The following LMAN2L variants were observed in gnomAD, a reference collection of about 807,000 sequenced individuals.
LMAN2L encodes the protein VIP36-like protein.
In LMAN2L, 30 loss-of-function variants were observed where a neutral mutation model predicts 44.3. The ratio of observed to expected loss-of-function variants is 0.68; its 90% CI spans 0.51 to 0.92. The LOEUF (loss-of-function observed/expected upper bound fraction) is 0.92. Among genes scored for constraint, LMAN2L ranks in the 40% least tolerant of loss-of-function variants. The probability of loss-of-function intolerance (pLI) is 0.00; values close to 1 mark genes in which losing one functional copy is unlikely to be tolerated. For synonymous variants in LMAN2L, 183 were observed against 171.1 expected (o/e 1.07, Z -0.54); for missense variants, 429 against 446.1 (o/e 0.96, Z 0.35).
chr2:96,715,071 TG>T (rs2153323411), intron 4 of LMAN2L, among the ~76,000 whole-genome samples: 1 of 152,278 alleles, frequency 6.6e-6, no homozygotes, highest in South Asian at 2.1e-4. Flanking sequence ...TATGAGTAGG[TG>T]GGATTACAGG....
Position 96,725,549 on chromosome 2 carries a change from TCTC to T in LMAN2L, c.507+7967_507+7969del, listed in dbSNP as rs369685358. Among the ~76,000 whole-genome samples the T allele has an allele frequency of 7.4e-4, 111 of 150,398 alleles. 3 individuals are homozygous for T. The South Asian group carries it at 0.023, about 31-fold the overall frequency. The stretch of plus-strand genomic sequence containing the variant: ...CCTCCACCTCCCAGGTTCACGCCAT[TCTC>T]CTGCCTCAGCCTCCCAAGTAGCTGG... On this transcript the variant is annotated intron_variant, in intron 4 of 7. Transcript: ENST00000264963.
At position 96,707,098 on chromosome 2, in the gene LMAN2L, G is replaced by C; in HGVS notation, c.*158C>G. The C allele has an allele frequency of 1.5e-6, 1 of 659,592 alleles. No individual in the cohort carries two copies. Among genetic ancestry groups the C allele is most frequent in the Non-Finnish European group, 2.5e-6 (1 of 407,140 alleles). The allele number at this position is 659,592 out of a possible 1,614,324, so 40.9% of individuals were successfully genotyped here. ...TAGATGTCCCCATGCACAACCATGG[G>C]AATGCGGGGTCCCTGCATTCAAAAC... On this transcript the variant is annotated 3_prime_UTR_variant, in exon 8 of 8. Transcript: ENST00000264963.
At chr2:96,716,659 T>C (rs533470294) in intron 4 of LMAN2L, among the ~76,000 whole-genome samples, 1 of 152,230 alleles carries the variant, frequency 6.6e-6, no homozygotes, top group African/African-American at 2.4e-5. Flanking sequence ...CTGCATTTAA[T>C]TCTCACAATC....
intron 4 of LMAN2L, among the ~76,000 whole-genome samples, chr2:96,722,661 T>C (rs1283620966): frequency 6.6e-6 from 1 of 152,254 alleles, no homozygotes. Flanking sequence ...AATCAGTTGA[T>C]GGACATTTAA....
At chr2:96,713,186 A>C (rs1329501215) in intron 4 of LMAN2L, 1 of 1,504,362 alleles carries the variant, frequency 6.6e-7, no homozygotes, top group Admixed American at 2.0e-5. Context: ...AGGGCACAGA[A>C]GACAGGAGAC....
In LMAN2L at chr2:96,739,931, T is replaced by A. The variant is rs1041727647; in HGVS notation, c.110A>T (p.Gln37Leu). The change falls in exon 1 of 8, where the codon CAG becomes CTG. Residue 37 changes from glutamine (Q) to leucine (L), a missense_variant. Gln to Leu is a moderately radical substitution (Grantham distance 113). Transcript: ENST00000264963. ...LLLLLLLGSG[Q>L]GPQQVGAGQT... Reference sequence around the variant, plus strand: ...ACCCGCCCCGACTTGCTGTGGCCCCTGCCCAGACCCCAACAAAAGAAGAAG... The same window carrying A: ...ACCCGCCCCGACTTGCTGTGGCCCCAGCCCAGACCCCAACAAAAGAAGAAG... The A allele has an allele frequency of 1.2e-6, 2 of 1,614,098 alleles. No individual in the cohort carries two copies. The highest frequency in any genetic ancestry group is 1.7e-6 in the Non-Finnish European group (2 of 1,180,028).
chr2:96,739,671 G>A (rs1431690482), intron 1 of LMAN2L, among the ~76,000 whole-genome samples, 183 bp downstream of exon 1: 1 of 152,134 alleles, frequency 6.6e-6, no homozygotes, highest in Non-Finnish European at 1.5e-5. Context: ...GAGCTTGGCA[G>A]GCACACCTAA....
At chr2:96,737,426 G>A (rs2078538800) in intron 2 of LMAN2L, among the ~76,000 whole-genome samples, 1 of 152,218 alleles carries the variant, frequency 6.6e-6, no homozygotes. Flanking sequence ...AAGGCAGGAG[G>A]ATTGTTTGAG....
intron 6 of LMAN2L, among the ~76,000 whole-genome samples, chr2:96,709,635 G>A (rs2077868212): frequency 6.6e-6 from 1 of 152,220 alleles, no homozygotes; most frequent in Non-Finnish European, 1.5e-5. Context: ...TTTAAACCAT[G>A]GGACAGGATA....
At chr2:96,725,789 T>C (rs566420076) in intron 4 of LMAN2L, among the ~76,000 whole-genome samples, 1 of 151,872 alleles carries the variant, frequency 6.6e-6, no homozygotes, top group Non-Finnish European at 1.5e-5. Flanking sequence ...ACACTGCAAA[T>C]GGAGTTGTTT....
intron 4 of LMAN2L, among the ~76,000 whole-genome samples, chr2:96,730,618 A>G (rs2078372542): frequency 6.6e-6 from 1 of 152,148 alleles, no homozygotes; most frequent in African/African-American, 2.4e-5. Flanking sequence ...CCTGCTTTTC[A>G]TTCTAGCCTC....
At chr2:96,739,611 T>G (rs1297028348) in intron 1 of LMAN2L, among the ~76,000 whole-genome samples, 1 of 152,112 alleles carries the variant, frequency 6.6e-6, no homozygotes, top group Non-Finnish European at 1.5e-5. Context: ...ACTCCAGGCC[T>G]AGTACTAGTG....
intron 4 of LMAN2L, among the ~76,000 whole-genome samples, chr2:96,715,446 G>C (rs1447949467): frequency 6.6e-6 from 1 of 152,186 alleles, no homozygotes; most frequent in Admixed American, 6.5e-5. Flanking sequence ...AGAGTTCCTG[G>C]AAGTATTTCT....
chr2:96,732,980 C>T (rs539109007), intron 4 of LMAN2L, among the ~76,000 whole-genome samples: 1 of 152,146 alleles, frequency 6.6e-6, no homozygotes, highest in Non-Finnish European at 1.5e-5. Context: ...AACTCCTGAC[C>T]TCAGGTGATC....
intron 2 of LMAN2L, among the ~76,000 whole-genome samples, chr2:96,737,436 G>A (rs1191129802): frequency 6.6e-6 from 1 of 152,214 alleles, no homozygotes; most frequent in Non-Finnish European, 1.5e-5. Context: ...GATTGTTTGA[G>A]ACCAAGAGTT....
At chr2:96,734,239 C>G (rs565152838) in intron 3 of LMAN2L, among the ~76,000 whole-genome samples, 170 bp downstream of exon 3, 2 of 152,296 alleles carry the variant, frequency 1.3e-5, no homozygotes, top group African/African-American at 4.8e-5. Context: ...AATTCAGCTG[C>G]TTATGAGGAC....
At chr2:96,715,415 C>CT (rs2078020485) in intron 4 of LMAN2L, among the ~76,000 whole-genome samples, 1 of 152,234 alleles carries the variant, frequency 6.6e-6, no homozygotes, top group Non-Finnish European at 1.5e-5. Context: ...TAAATGCCAT[C>CT]TTATTTTCTA....
chr2:96,733,312 C>G lies in LMAN2L; in HGVS notation c.507+207G>C, dbSNP rs578147497. Among the ~76,000 whole-genome samples the G allele has an allele frequency of 2.6e-5, 4 of 152,258 alleles. No homozygotes were observed. The East Asian group carries it at 5.8e-4, about 22-fold the overall frequency. ...CATGATTATCACTAAAGAAAAAGCCCCTGTTCAAGACAGCTATTCCCAAAA... is the reference window on the plus strand; with the variant it reads ...CATGATTATCACTAAAGAAAAAGCCGCTGTTCAAGACAGCTATTCCCAAAA... On this transcript the variant is annotated intron_variant, in intron 4 of 7. Coordinates refer to ENST00000264963, the MANE Select transcript of LMAN2L (RefSeq NM_030805.4).
At position 96,727,443 on chromosome 2, in the gene LMAN2L, G is replaced by A. The variant is rs2078294677; in HGVS notation, c.507+6076C>T. Among the ~76,000 whole-genome samples, 3 of 152,018 alleles carry A rather than the reference G, an allele frequency of 2.0e-5. No individual in the cohort carries two copies. The South Asian group carries it at 6.2e-4, about 32-fold the overall frequency. On this transcript the variant is annotated intron_variant, in intron 4 of 7. Coordinates refer to ENST00000264963, the MANE Select transcript of LMAN2L (RefSeq NM_030805.4). Reference sequence around the variant, plus strand: ...GCATAGCAGTTTGAGACCAGCCTAGGCAACATGGCGGAACCCTGTCTCTAC... The same window carrying A: ...GCATAGCAGTTTGAGACCAGCCTAGACAACATGGCGGAACCCTGTCTCTAC...
Sources: gnomAD v4.1 joint callset for allele counts (sites outside exome capture counted in the v4.1 genomes callset) on GRCh38, gnomAD v4.1.1 for gene constraint, MANE v1.5 for transcripts, NCBI Gene and HGNC (gene_info 2026-07-23, HGNC 2026-07-21) for gene names.